The following PRMT8 variants were observed in gnomAD, a reference collection of about 807,000 sequenced individuals.
PRMT8 encodes the protein protein arginine N-methyltransferase 8.
A neutral mutation model predicts 47.1 loss-of-function variants in PRMT8; 7 were observed. The ratio of observed to expected loss-of-function variants is 0.15; its 90% CI spans 0.08 to 0.28. PRMT8 has a LOEUF of 0.28. Among genes scored for constraint, PRMT8 ranks in the 10% least tolerant of loss-of-function variants. PRMT8 has a pLI of 1.00. For synonymous variants in PRMT8, 188 were observed against 186.5 expected, an observed-to-expected ratio of 1.01 and a Z score of -0.07; for missense variants, 237 against 505.4, an observed-to-expected ratio of 0.47 and a Z score of 5.09.
intron 1 of PRMT8, among the ~76,000 whole-genome samples, chr12:3,412,937 C>T (rs1354630048): frequency 6.6e-6 from 1 of 152,192 alleles, no homozygotes; most frequent in Admixed American, 6.5e-5. Flanking sequence ...TTTCTAATTA[C>T]ATTCCATGAG....
chr12:3,454,426 T>C (rs1474057454), intron 1 of PRMT8, among the ~76,000 whole-genome samples: 9 of 152,088 alleles, frequency 5.9e-5, no homozygotes, highest in Admixed American at 3.9e-4. Context: ...TTTGAATCAC[T>C]GACGTTAATC....
intron 8 of PRMT8, among the ~76,000 whole-genome samples, chr12:3,590,633 A>C (rs1867277287): frequency 1.7e-5 from 1 of 59,588 alleles, no homozygotes; most frequent in African/African-American, 6.6e-5. Context: ...CCTTAGTCCT[A>C]AAAAAAAAAA....
chr12:3,487,114 C>T (rs953296276), upstream of PRMT8, among the ~76,000 whole-genome samples: 25 of 152,152 alleles, frequency 1.6e-4, no homozygotes, highest in African/African-American at 6.0e-4. Context: ...CCATCTGGCC[C>T]AGAAGACACT....
Position 3,593,658 on chromosome 12 carries a change from T to C in PRMT8, c.*476T>C, listed in dbSNP as rs1003419257. On this transcript the variant is annotated 3_prime_UTR_variant, in exon 10 of 10. Coordinates refer to ENST00000382622, the MANE Select transcript of PRMT8 (RefSeq NM_019854.5). The surrounding 1 kb of genome is among the most constrained non-coding windows in gnomAD (Gnocchi z 4.8). Reference sequence around the variant, plus strand: ...TGAATGTGAGCAGCATAGTTGATATTTACCCACAAACACCTGTATATGCGT... The same window carrying C: ...TGAATGTGAGCAGCATAGTTGATATCTACCCACAAACACCTGTATATGCGT... 5.4e-6 allele frequency: 1 copy of C among 184,906 alleles called. No homozygotes were observed. Among genetic ancestry groups the C allele is most frequent in the Admixed American group, 5.9e-5 (1 of 16,838 alleles). 11.5% of individuals were successfully genotyped at this position (184,906 alleles called of 1,614,324 possible).
chr12:3,383,735 T>C (rs1451194041), intron 1 of PRMT8, among the ~76,000 whole-genome samples: 1 of 152,210 alleles, frequency 6.6e-6, no homozygotes. Context: ...TTTTACCCGC[T>C]CTAGGGCATT....
chr12:3,451,444 A>T (rs1013901576), intron 1 of PRMT8, among the ~76,000 whole-genome samples: 5 of 152,186 alleles, frequency 3.3e-5, no homozygotes, highest in African/African-American at 1.2e-4. Flanking sequence ...ACACACGTTC[A>T]TGTGCAGAAA....
rs1410205259 is a variant in PRMT8, at chr12:3,514,095, G to C, written c.75+22395G>C. 1.3e-5 allele frequency among the ~76,000 whole-genome samples: 2 copies of C among 152,212 alleles called. No homozygotes were observed. Among genetic ancestry groups the C allele is most frequent in the African/African-American group, 4.8e-5 (2 of 41,462 alleles). Reference sequence around the variant, plus strand: ...CTTTGGAGAGGGAAGCTCCAAGGAGGGGACTTTGTCAGGGTCAAAGAGTTG... The same window carrying C: ...CTTTGGAGAGGGAAGCTCCAAGGAGCGGACTTTGTCAGGGTCAAAGAGTTG... On this transcript the variant is annotated intron_variant, in intron 1 of 9. Coordinates refer to ENST00000382622, the MANE Select transcript of PRMT8 (RefSeq NM_019854.5). The surrounding 1 kb of genome is among the most constrained non-coding windows in gnomAD (Gnocchi z 5.9).
intron 1 of PRMT8, among the ~76,000 whole-genome samples, chr12:3,446,814 C>G (rs576597750): frequency 9.8e-5 from 15 of 152,318 alleles, no homozygotes; most frequent in African/African-American, 3.6e-4. Context: ...TTTGATGTAC[C>G]ACGCGGGGCC....
At chr12:3,411,151 TTCC>T (rs1451226006) in intron 1 of PRMT8, among the ~76,000 whole-genome samples, 1 of 152,192 alleles carries the variant, frequency 6.6e-6, no homozygotes, top group Non-Finnish European at 1.5e-5. Flanking sequence ...TTTGCCAGGC[TTCC>T]TCCTCCCTGG....
Position 3,451,969 on chromosome 12 carries a change from C to G in PRMT8, c.48+70527C>G, listed in dbSNP as rs368724140. Among the ~76,000 whole-genome samples, 9 of 152,310 alleles carry G rather than the reference C, an allele frequency of 5.9e-5. No homozygotes were observed. In the East Asian group the frequency reaches 1.7e-3, roughly 29 times the overall value. ...CTCCACATAAATAAGCTGTACAACA[C>G]CCAGTCAAAAACTATTAGTGACTGT... On this transcript the variant is annotated intron_variant, in intron 1 of 9. Coordinates refer to the PRMT8 transcript ENST00000452611.
At position 3,422,610 on chromosome 12, in the gene PRMT8, G is replaced by GGAACA. The variant is rs538972790; in HGVS notation, c.48+41187_48+41191dup. Among the ~76,000 whole-genome samples the GGAACA allele has an allele frequency of 1.6e-4, 24 of 152,246 alleles. No homozygotes were observed. The South Asian group carries it at 1.7e-3, about 11-fold the overall frequency. ...GGCTGCATGCACCAGTAATCAGGAC[G>GGAACA]GAACAGAACAGAACAGAACAGAAGA... is the stretch of plus-strand genomic sequence containing the variant. On this transcript the variant is annotated intron_variant, in intron 1 of 9. Transcript: ENST00000452611.
At chr12:3,414,063 G>A (rs1199579943) in intron 1 of PRMT8, among the ~76,000 whole-genome samples, 1 of 152,026 alleles carries the variant, frequency 6.6e-6, no homozygotes, top group African/African-American at 2.4e-5. Context: ...TTGAATGATT[G>A]GAATATAGGT....
chr12:3,425,294 A>G (rs1864591703), intron 1 of PRMT8, among the ~76,000 whole-genome samples: 1 of 152,244 alleles, frequency 6.6e-6, no homozygotes, highest in Non-Finnish European at 1.5e-5. Context: ...GTTTTGCCCA[A>G]GAGTTAGCTT....
chr12:3,560,545 T>C (rs752019558), intron 4 of PRMT8, among the ~76,000 whole-genome samples: 1 of 152,222 alleles, frequency 6.6e-6, no homozygotes, highest in African/African-American at 2.4e-5. Flanking sequence ...GCTGCCGAGA[T>C]GCTTAAAAAG....
chr12:3,537,180 G>C (rs1313768188), intron 1 of PRMT8, among the ~76,000 whole-genome samples: 2 of 152,240 alleles, frequency 1.3e-5, no homozygotes, highest in African/African-American at 2.4e-5. Flanking sequence ...ATGCAGAGCT[G>C]TGGTTGTTTT....
At chr12:3,541,981 C>T (rs927235303) in intron 2 of PRMT8, among the ~76,000 whole-genome samples, 3 of 152,064 alleles carry the variant, frequency 2.0e-5, no homozygotes, top group African/African-American at 4.8e-5. Context: ...GTAGATGGCA[C>T]AGCTAGCAAT....
chr12:3,472,545 C>T (rs34243567), intron 1 of PRMT8, among the ~76,000 whole-genome samples: 40,432 of 152,142 alleles, frequency 0.27, 5,995 homozygotes, highest in Non-Finnish European at 0.33. Flanking sequence ...TCTGAGCCTC[C>T]TTTCCCTCAA....
intron 1 of PRMT8, among the ~76,000 whole-genome samples, chr12:3,403,739 C>T (rs1364823776): frequency 6.6e-6 from 1 of 151,328 alleles, no homozygotes; most frequent in Non-Finnish European, 1.5e-5. Flanking sequence ...ATTAGCCAGG[C>T]GTAGTGGCAC....
chr12:3,384,804 C>T (rs1186192958), intron 1 of PRMT8, among the ~76,000 whole-genome samples: 1 of 152,142 alleles, frequency 6.6e-6, no homozygotes, highest in Non-Finnish European at 1.5e-5. Context: ...ACCAGGGGCC[C>T]TCCTGGTGTG....
Sources: gnomAD v4.1 joint callset for allele counts (sites outside exome capture counted in the v4.1 genomes callset) on GRCh38, gnomAD v4.1.1 for gene constraint, Gnocchi (gnomAD v3.1) non-coding constraint, MANE v1.5 for transcripts, NCBI Gene and HGNC (gene_info 2026-07-23, HGNC 2026-07-21) for gene names.